The following PARVG variants were observed in gnomAD, a reference collection of about 807,000 sequenced individuals.
The protein encoded by PARVG is gamma-parvin.
PARVG carries 36 observed loss-of-function variants against 44.4 expected under a neutral mutation model. The observed-to-expected ratio is 0.81, with a 90% CI of 0.62 to 1.07. PARVG has a LOEUF of 1.07. PARVG is among the 50% of genes least tolerant of loss of function. The probability of loss-of-function intolerance (pLI) is 0.00; values close to 1 mark genes in which losing one functional copy is unlikely to be tolerated. For synonymous variants in PARVG, 170 were observed against 174.1 expected (o/e 0.98, Z 0.19); for missense variants, 407 against 407.4 (o/e 1.00, Z 0.01).
In PARVG at chr22:44,186,935, G is replaced by A. The variant is rs116322264; in HGVS notation, c.145-841G>A. The A allele has an allele frequency of 2.1e-3, 649 of 310,818 alleles. 4 individuals are homozygous for A. Among genetic ancestry groups the A allele is most frequent in the African/African-American group, 0.013 (608 of 46,420 alleles). The allele number at this position is 310,818 out of a possible 1,614,324, so 19.3% of individuals were successfully genotyped here. On this transcript the variant is annotated intron_variant, in intron 4 of 13. Transcript: ENST00000444313. Reference sequence around the variant, plus strand: ...ACCTCCTGACAACCTTTAGTGAACAGCTGCTCCCTGAGAAAGGGCTGGGCC... The same window carrying A: ...ACCTCCTGACAACCTTTAGTGAACAACTGCTCCCTGAGAAAGGGCTGGGCC...
chr22:44,187,843 A>G lies in PARVG; in HGVS notation c.212A>G (p.Asp71Gly). The G allele has an allele frequency of 6.2e-7, 1 of 1,614,196 alleles. No individual in the cohort carries two copies. The highest frequency in any genetic ancestry group is 8.5e-7 in the Non-Finnish European group (1 of 1,180,032). ...EHIVVRSLEE[D>G]MFDGLILHHL... ...ATTGTGGTCCGCAGCCTGGAGGAGGACATGTTCGACGGGCTCATCCTACAC... is the reference window on the plus strand; with the variant it reads ...ATTGTGGTCCGCAGCCTGGAGGAGGGCATGTTCGACGGGCTCATCCTACAC... Residue 71 changes from aspartate (D) to glycine (G), a missense_variant, in exon 5 of 14, where the codon GAC (aspartate) becomes GGC (glycine). By Grantham distance (94) the Asp-to-Gly change is moderately conservative. Coordinates refer to ENST00000444313, the MANE Select transcript of PARVG (RefSeq NM_022141.7).
chr22:44,203,624 C>A (rs1162052511), intron 12 of PARVG, among the ~76,000 whole-genome samples: 2 of 152,250 alleles, frequency 1.3e-5, no homozygotes, highest in Non-Finnish European at 2.9e-5. Context: ...CCGACATTTA[C>A]TCTCCATGTA....
intron 12 of PARVG, among the ~76,000 whole-genome samples, chr22:44,202,950 T>TC (rs1187638014): frequency 6.6e-6 from 1 of 152,158 alleles, no homozygotes; most frequent in Non-Finnish European, 1.5e-5. Flanking sequence ...GCACGTATCC[T>TC]CCCGGGTTGT....
At position 44,175,309 on chromosome 22, in the gene PARVG, C is replaced by T. The variant is rs945422237; in HGVS notation, c.-189+2118C>T. Among the ~76,000 whole-genome samples the T allele has an allele frequency of 8.2e-4, 125 of 152,260 alleles. 2 individuals carry two copies. Among genetic ancestry groups the T allele is most frequent in the African/African-American group, 2.8e-3 (115 of 41,556 alleles). ...CCAGTCTCTGGGGGAACTGACATTG[C>T]ACGGCCACTTGCCCTCAGATGTGAC... On this transcript the variant is annotated intron_variant, in intron 1 of 13. Coordinates refer to the PARVG transcript ENST00000422871.
intron 11 of PARVG, 45 bp from the exon 12 acceptor site, chr22:44,198,576 G>C (rs200875106): frequency 6.8e-7 from 1 of 1,462,664 alleles, no homozygotes; most frequent in Non-Finnish European, 9.6e-7. Flanking sequence ...AGTGGGCTTC[G>C]CCAGGCTTCT....
chr22:44,183,333 G>A lies in PARVG; in HGVS notation c.4G>A (p.Glu2Lys), dbSNP rs2054413149. 1 of 1,609,374 alleles carries A rather than the reference G, an allele frequency of 6.2e-7. No homozygotes were observed. The highest frequency in any genetic ancestry group is 1.3e-5 in the African/African-American group (1 of 74,880). The change falls in exon 3 of 14, where the codon GAG becomes AAG. Residue 2 changes from glutamate (E) to lysine (K), a missense_variant. Glu to Lys is a moderately conservative substitution (Grantham distance 56). Coordinates refer to ENST00000444313, the MANE Select transcript of PARVG (RefSeq NM_022141.7). MEPEFLYDLLQL... is the reference protein window; with the variant it reads MKPEFLYDLLQL... ...CTCTGTGCAGGCTTGGGAGGCGATG[G>A]AGCCGGAGTTCTTGTACGACCTGCT...
upstream of PARVG, among the ~76,000 whole-genome samples, chr22:44,179,545 T>C (rs1234043260): frequency 2.0e-5 from 3 of 152,314 alleles, no homozygotes; most frequent in East Asian, 5.8e-4. The surrounding 1 kb of genome is among the most constrained non-coding windows in gnomAD (Gnocchi z 4.2). Flanking sequence ...AAGCCACAAC[T>C]CTGCCAAAGC....
intron 9 of PARVG, among the ~76,000 whole-genome samples, chr22:44,194,864 C>T (rs1300818313): frequency 1.3e-5 from 2 of 151,816 alleles, no homozygotes; most frequent in Non-Finnish European, 1.5e-5. Context: ...CATCCACCCA[C>T]ACACCTATCC....
chr22:44,183,287 C>G, intron 2 of PARVG, 31 bp from the exon 3 acceptor site: 3 of 1,567,806 alleles, frequency 1.9e-6, no homozygotes, highest in Non-Finnish European at 2.6e-6. Flanking sequence ...CTTCTCAGAC[C>G]GTGACGCCCT....
chr22:44,196,089 A>G (rs1318058055), intron 9 of PARVG, 66 bp from the exon 10 acceptor site: 1 of 1,594,276 alleles, frequency 6.3e-7, no homozygotes, highest in African/African-American at 1.3e-5. Flanking sequence ...GTGAAAAAAA[A>G]AATTCCCTGT....
At chr22:44,201,848 C>G (rs985732935) in intron 12 of PARVG, among the ~76,000 whole-genome samples, 2 of 152,232 alleles carry the variant, frequency 1.3e-5, no homozygotes, top group African/African-American at 2.4e-5. Flanking sequence ...CCTTCTGGGA[C>G]CAGCAGCTGG....
chr22:44,186,854 C>T, intron 4 of PARVG: 1 of 358,002 alleles, frequency 2.8e-6, no homozygotes, highest in Non-Finnish European at 5.6e-6. Context: ...CAGTGCATTC[C>T]TGCCCAAGGG....
rs1340532276 is a variant in PARVG at position 44,180,939 on chromosome 22, G to C, written c.-435G>C. 6.1e-6 allele frequency: 6 copies of C among 985,392 alleles called. No homozygotes were observed. In the South Asian group the frequency reaches 2.3e-4, roughly 39 times the overall value. 61.0% of individuals were successfully genotyped at this position (985,392 alleles called of 1,614,324 possible). ...GTGAAGATTCCAGCTTGAGAGACCA[G>C]CTCGGGTCTGAAGTGTTTCTCTATC... On this transcript the variant is annotated 5_prime_UTR_variant, in exon 1 of 14. Coordinates refer to ENST00000444313, the MANE Select transcript of PARVG (RefSeq NM_022141.7).
upstream of PARVG, among the ~76,000 whole-genome samples, chr22:44,178,852 ATTAGAAAACCTTCTATCAATGCTAATTT>A: frequency 6.6e-6 from 1 of 152,344 alleles, no homozygotes; most frequent in East Asian, 1.9e-4. Flanking sequence ...TGGATGAGAT[ATTAGAAAACCTTCTATCAATGCTAATTT>A]TCTTAGGTAT....
chr22:44,190,645 G>C lies in PARVG; in HGVS notation c.483G>C (p.Gln161His). 5 of 1,613,676 alleles carry C rather than the reference G, an allele frequency of 3.1e-6. No individual in the cohort carries two copies. Among genetic ancestry groups the C allele is most frequent in the Non-Finnish European group, 4.2e-6 (5 of 1,179,540 alleles). Residue 161 changes from glutamine to histidine, a missense_variant, in exon 7 of 14, where the codon CAG (glutamine) becomes CAC (histidine). Physicochemically the swap from Gln to His is conservative, Grantham distance 24. Transcript: ENST00000444313. Reference sequence around the variant, plus strand: ...ACCTCTCCCTCCCAACCAACGTCCAGGTGGAGGTCATCACTATCGAGGTAG... The same window carrying C: ...ACCTCTCCCTCCCAACCAACGTCCACGTGGAGGTCATCACTATCGAGGTAG... ...QPDLSLPTNVQVEVITIESTK... is the reference protein window; with the variant it reads ...QPDLSLPTNVHVEVITIESTK...
chr22:44,174,855 C>A (rs1450098196), intron 1 of PARVG, among the ~76,000 whole-genome samples: 2 of 152,208 alleles, frequency 1.3e-5, no homozygotes, highest in African/African-American at 4.8e-5. Context: ...GGCACAGTGG[C>A]TTATGCCTGT....
In PARVG at chr22:44,206,550, G is replaced by A. The variant is rs1298465532; in HGVS notation, c.*124G>A. ...TCGTGACCCGCTTCCCTCCCACCCT[G>A]TCTCCTGTCTCCATCGTTGGATTAT... On this transcript the variant is annotated 3_prime_UTR_variant, in exon 14 of 14. Transcript: ENST00000444313. 2.6e-6 allele frequency: 2 copies of A among 781,018 alleles called. No homozygotes were observed. The highest frequency in any genetic ancestry group is 4.4e-6 in the Non-Finnish European group (2 of 458,394). 48.4% of individuals were successfully genotyped at this position (781,018 alleles called of 1,614,324 possible).
chr22:44,197,297 C>G (rs2054631689), intron 11 of PARVG, among the ~76,000 whole-genome samples: 1 of 152,176 alleles, frequency 6.6e-6, no homozygotes, highest in Non-Finnish European at 1.5e-5. Context: ...CACTATGTGC[C>G]AGTCCCAGGG....
Position 44,203,155 on chromosome 22 carries a change from A to G in PARVG, c.814-2602A>G, listed in dbSNP as rs192179312. Among the ~76,000 whole-genome samples the G allele has an allele frequency of 3.3e-5, 5 of 152,344 alleles. No individual in the cohort carries two copies. In the East Asian group the frequency reaches 9.6e-4, roughly 29 times the overall value. On this transcript the variant is annotated intron_variant, in intron 12 of 13. Transcript: ENST00000444313. Reference sequence around the variant, plus strand: ...AACAGAAGCAGATGTCATAATTTTCAGTGTCGATAGCAATTCCCAAAGCAT... The same window carrying G: ...AACAGAAGCAGATGTCATAATTTTCGGTGTCGATAGCAATTCCCAAAGCAT...
Sources: allele counts gnomAD v4.1 joint callset (sites outside exome capture counted in the v4.1 genomes callset), GRCh38; gene constraint gnomAD v4.1.1; non-coding constraint Gnocchi (gnomAD v3.1); transcripts MANE v1.5; gene names NCBI Gene and HGNC (gene_info 2026-07-23, HGNC 2026-07-21).